Variants in AGBL1 observed in about 807,000 individuals in gnomAD.
The protein encoded by AGBL1 is AGBL carboxypeptidase 1, also known as cytosolic carboxypeptidase 4.
AGBL1 carries 130 observed loss-of-function variants against 118.9 expected under a neutral mutation model. The observed-to-expected ratio is 1.09, with a 90% confidence interval of 0.95 to 1.26. The LOEUF is 1.26. AGBL1 is among the 50% of genes most tolerant of loss of function. AGBL1 has a pLI of 0.00. For missense variants in AGBL1, 1,584 were observed against 1,298.1 expected (o/e 1.22, Z -3.38); for synonymous variants, 555 against 478.9 (o/e 1.16, Z -2.08).
intron 17 of AGBL1, among the ~76,000 whole-genome samples, chr15:86,337,312 G>C (rs1420123022): frequency 6.6e-6 from 1 of 151,984 alleles, no homozygotes; most frequent in Admixed American, 6.6e-5. Flanking sequence ...TGTATTACCA[G>C]TAGGCTTTTT....
intron 18 of AGBL1, among the ~76,000 whole-genome samples, chr15:86,519,639 G>A (rs2083162263): frequency 1.3e-5 from 2 of 152,142 alleles, no homozygotes; most frequent in South Asian, 4.2e-4. Flanking sequence ...GACTGCCAAA[G>A]CCCTAGTCAC....
intron 22 of AGBL1, among the ~76,000 whole-genome samples, chr15:86,730,008 A>G (rs1309342943): frequency 6.6e-6 from 1 of 152,100 alleles, no homozygotes; most frequent in African/African-American, 2.4e-5. Context: ...TTTGATTTGC[A>G]TTTCTCTAAT....
At chr15:86,125,101 C>G (rs1300760100) in intron 1 of AGBL1, among the ~76,000 whole-genome samples, 1 of 152,170 alleles carries the variant, frequency 6.6e-6, no homozygotes, top group African/African-American at 2.4e-5. Context: ...CTTTGGTTTT[C>G]AGTCATGGTG....
chr15:86,461,229 G>A (rs2142085627), intron 18 of AGBL1, among the ~76,000 whole-genome samples: 1 of 152,232 alleles, frequency 6.6e-6, no homozygotes, highest in Non-Finnish European at 1.5e-5. Context: ...CAACACTCTA[G>A]AAAGTCCTGC....
chr15:86,445,188 A>G (rs767763238), intron 18 of AGBL1, among the ~76,000 whole-genome samples: 11 of 152,180 alleles, frequency 7.2e-5, no homozygotes, highest in Non-Finnish European at 1.3e-4. Context: ...GAAGCCCATC[A>G]CCCTGGGGGA....
At chr15:86,434,164 G>A (rs1489016186) in intron 18 of AGBL1, among the ~76,000 whole-genome samples, 1 of 152,192 alleles carries the variant, frequency 6.6e-6, no homozygotes, top group Non-Finnish European at 1.5e-5. Flanking sequence ...TAACCTTTTT[G>A]ATGACTGTGC....
chr15:86,962,120 G>C (rs1306807615), intron 23 of AGBL1, among the ~76,000 whole-genome samples: 1 of 152,050 alleles, frequency 6.6e-6, no homozygotes, highest in Non-Finnish European at 1.5e-5. Context: ...AATTATCCTG[G>C]AGACAGCCAA....
intron 23 of AGBL1, among the ~76,000 whole-genome samples, chr15:86,933,983 C>A (rs1459768627): frequency 6.6e-6 from 1 of 152,198 alleles, no homozygotes; most frequent in Non-Finnish European, 1.5e-5. Flanking sequence ...ACAAGTTGGG[C>A]AAGATCATCT....
intron 1 of AGBL1, among the ~76,000 whole-genome samples, chr15:86,080,469 A>G (rs531244048): frequency 6.6e-6 from 1 of 152,296 alleles, no homozygotes; most frequent in East Asian, 1.9e-4. Flanking sequence ...CTGGGCTCCC[A>G]CATTGTAGTT....
intron 22 of AGBL1, among the ~76,000 whole-genome samples, chr15:86,770,814 G>C (rs1402255499): frequency 6.6e-6 from 1 of 152,014 alleles, no homozygotes; most frequent in Non-Finnish European, 1.5e-5. Context: ...AAGCAACTAG[G>C]ATTACACAGA....
At chr15:86,405,360 A>C (rs1292165826) in intron 18 of AGBL1, among the ~76,000 whole-genome samples, 1 of 151,674 alleles carries the variant, frequency 6.6e-6, no homozygotes, top group Non-Finnish European at 1.5e-5. Flanking sequence ...AAAATACCAA[A>C]AAAAAATTAG....
At position 86,801,351 on chromosome 15, in the gene AGBL1, A is replaced by G. The variant is rs148706047; in HGVS notation, c.3159-105736A>G. On this transcript the variant is annotated intron_variant, in intron 22 of 22. Coordinates refer to ENST00000614907, the MANE Select transcript of AGBL1 (RefSeq NM_001386094.1). ...TATCTATCTATCTATCTATCTATCT[A>G]TCTATATTAAAGCCTTCTTAAAAGC... 1.5e-3 allele frequency among the ~76,000 whole-genome samples: 228 copies of G among 150,026 alleles called. 1 individual carries two copies. Among genetic ancestry groups the G allele is most frequent in the African/African-American group, 5.3e-3 (215 of 40,574 alleles).
chr15:86,838,990 G>A (rs1596538116), intron 22 of AGBL1, among the ~76,000 whole-genome samples: 3 of 145,434 alleles, frequency 2.1e-5, no homozygotes, highest in African/African-American at 5.0e-5. Flanking sequence ...CAGCAGAGGA[G>A]ACTAGAATGA....
chr15:86,131,232 T>C (rs1357853057), intron 1 of AGBL1, among the ~76,000 whole-genome samples: 1 of 152,182 alleles, frequency 6.6e-6, no homozygotes, highest in Non-Finnish European at 1.5e-5. Context: ...TCTTGAAAGG[T>C]AAGCAATGTC....
chr15:86,614,445 G>T (rs1279452416), intron 21 of AGBL1, among the ~76,000 whole-genome samples: 1 of 152,152 alleles, frequency 6.6e-6, no homozygotes, highest in Non-Finnish European at 1.5e-5. Flanking sequence ...TTTAGCATTT[G>T]TGTGGTCTGC....
chr15:86,490,054 T>G (rs1170500380), intron 18 of AGBL1, among the ~76,000 whole-genome samples: 2 of 152,110 alleles, frequency 1.3e-5, no homozygotes, highest in African/African-American at 4.8e-5. Flanking sequence ...TGCCTTGTGT[T>G]ACCTCAAACA....
chr15:86,229,225 A>C (rs150110727), intron 6 of AGBL1, among the ~76,000 whole-genome samples: 2 of 152,286 alleles, frequency 1.3e-5, no homozygotes, highest in East Asian at 3.9e-4. Context: ...GCTATGAAGA[A>C]ATACCTGAGG....
At chr15:86,970,155 A>C (rs1057165303) in intron 23 of AGBL1, among the ~76,000 whole-genome samples, 1 of 151,918 alleles carries the variant, frequency 6.6e-6, no homozygotes, top group African/African-American at 2.4e-5. Flanking sequence ...AGGCCAAGGC[A>C]GCATTGGAAA....
chr15:86,496,216 C>T (rs2082853544), intron 18 of AGBL1, among the ~76,000 whole-genome samples: 1 of 151,926 alleles, frequency 6.6e-6, no homozygotes, highest in South Asian at 2.1e-4. Flanking sequence ...TTTGACAGTT[C>T]CTCCTTCACA....
Sources: gnomAD v4.1 joint callset for allele counts (sites outside exome capture counted in the v4.1 genomes callset) on GRCh38, gnomAD v4.1.1 for gene constraint, MANE v1.5 for transcripts, NCBI Gene and HGNC (gene_info 2026-07-23, HGNC 2026-07-21) for gene names.